Variants in STARD13 observed in about 807,000 individuals in gnomAD.
STARD13 encodes StAR related lipid transfer domain containing 13.
A neutral mutation model predicts 106.4 loss-of-function variants in STARD13; 62 were observed. The ratio of observed to expected loss-of-function variants is 0.58; its 90% CI spans 0.48 to 0.72. The LOEUF is 0.72. STARD13 is among the 30% of genes least tolerant of loss of function. The pLI is 0.00. For missense variants in STARD13, 1,387 were observed against 1,424.0 expected, an observed-to-expected ratio of 0.97 and a Z score of 0.42; for synonymous variants, 565 against 553.0, an observed-to-expected ratio of 1.02 and a Z score of -0.31.
intron 1 of STARD13, among the ~76,000 whole-genome samples, chr13:33,224,226 T>C (rs960565900): frequency 2.0e-5 from 3 of 152,228 alleles, no homozygotes; most frequent in South Asian, 2.1e-4. Flanking sequence ...CAGGTAGCCA[T>C]AGGATGGAGA....
At chr13:33,158,705 CTAAT>C (rs1436262512) in intron 3 of STARD13, 3 of 152,194 alleles carry the variant, frequency 2.0e-5, no homozygotes, top group African/African-American at 7.2e-5. Context: ...GGCTGAGGGT[CTAAT>C]TAACCACTCA....
chr13:33,377,591 C>A, the STARD13 span, among the ~76,000 whole-genome samples: 15 of 151,060 alleles, frequency 9.9e-5, no homozygotes, highest in South Asian at 3.2e-3. Context: ...TCTCCCCCAC[C>A]CCCGCTTATA....
At chr13:33,267,753 A>C (rs1169538191) in intron 1 of STARD13, among the ~76,000 whole-genome samples, 1 of 152,244 alleles carries the variant, frequency 6.6e-6, no homozygotes, top group East Asian at 1.9e-4. Context: ...TAGTTAGATT[A>C]GAAGACTTAA....
At chr13:33,203,231 G>GA (rs1887176657) in intron 1 of STARD13, among the ~76,000 whole-genome samples, 5 of 115,220 alleles carry the variant, frequency 4.3e-5, no homozygotes, top group Non-Finnish European at 9.2e-5. Flanking sequence ...GTGATTCTCT[G>GA]TACTGGCAGG....
chr13:33,353,805 G>A (rs1322787149), upstream of STARD13, among the ~76,000 whole-genome samples: 1 of 148,804 alleles, frequency 6.7e-6, no homozygotes, highest in Non-Finnish European at 1.5e-5. Context: ...TCCTTATAGC[G>A]CTTCCACTTC....
At chr13:33,150,144 G>C (rs1881081113) in intron 3 of STARD13, among the ~76,000 whole-genome samples, 2 of 152,178 alleles carry the variant, frequency 1.3e-5, no homozygotes, top group African/African-American at 2.4e-5. Context: ...AGGCTCGGTA[G>C]GCTTTTCTTT....
chr13:33,538,635 AT>A, the STARD13 span, among the ~76,000 whole-genome samples: 16,293 of 146,696 alleles, frequency 0.11, 988 homozygotes, highest in Admixed American at 0.19. Flanking sequence ...AGAGCCCAGT[AT>A]TTTTTTTTTT....
At chr13:33,476,350 T>A in the STARD13 span, among the ~76,000 whole-genome samples, 1 of 152,220 alleles carries the variant, frequency 6.6e-6, no homozygotes, top group Non-Finnish European at 1.5e-5. Context: ...GTGTAAAGAT[T>A]CTAGTGGTAA....
chr13:33,422,052 C>CT, the STARD13 span, among the ~76,000 whole-genome samples: 1 of 152,160 alleles, frequency 6.6e-6, no homozygotes. Flanking sequence ...AGGATGCCTT[C>CT]TTTCACCATT....
Position 33,105,523 on chromosome 13 carries a change from T to C in STARD13, c.*70A>G. ...TTCCTCTTTCTCTCGCTTTCTCACA[T>C]GCACACTCTCTGCCACACTCGTCAC... is the stretch of plus-strand genomic sequence containing the variant. On this transcript the variant is annotated 3_prime_UTR_variant, in exon 14 of 14. Coordinates refer to ENST00000336934, the MANE Select transcript of STARD13 (RefSeq NM_178006.4). The C allele has an allele frequency of 1.8e-6, 2 of 1,096,522 alleles. No individual in the cohort carries two copies. Among genetic ancestry groups the C allele is most frequent in the South Asian group, 1.3e-5 (1 of 79,594 alleles). The allele number at this position is 1,096,522 out of a possible 1,614,324, so 67.9% of individuals were successfully genotyped here.
chr13:33,558,837 T>A, the STARD13 span, among the ~76,000 whole-genome samples: 1 of 151,646 alleles, frequency 6.6e-6, no homozygotes, highest in South Asian at 2.1e-4. Flanking sequence ...GCTACTGCTA[T>A]TGTCATGCAC....
the STARD13 span, among the ~76,000 whole-genome samples, chr13:33,377,503 G>T: frequency 6.6e-6 from 1 of 152,048 alleles, no homozygotes; most frequent in African/African-American, 2.4e-5. Context: ...TAATTCTATT[G>T]ATCTTTGCAT....
chr13:33,435,265 G>A, the STARD13 span, among the ~76,000 whole-genome samples: 1 of 152,186 alleles, frequency 6.6e-6, no homozygotes, highest in East Asian at 1.9e-4. Flanking sequence ...CGAGAGGTAG[G>A]AATGGTGGAT....
the STARD13 span, among the ~76,000 whole-genome samples, chr13:33,630,162 C>A: frequency 4.6e-5 from 7 of 152,152 alleles, no homozygotes; most frequent in South Asian, 6.2e-4. Context: ...AAGCAAAGTG[C>A]AAGAGGAATA....
At chr13:33,501,179 C>T in the STARD13 span, among the ~76,000 whole-genome samples, 5 of 144,802 alleles carry the variant, frequency 3.5e-5, no homozygotes, top group African/African-American at 1.3e-4. Flanking sequence ...CGGGTTCAAG[C>T]AATTCTCCTG....
At chr13:33,214,222 A>G (rs1219318912) in intron 1 of STARD13, among the ~76,000 whole-genome samples, 1 of 152,226 alleles carries the variant, frequency 6.6e-6, no homozygotes, top group Non-Finnish European at 1.5e-5. Context: ...CTCACAAACA[A>G]AAAGCACATT....
At chr13:33,459,991 G>A in the STARD13 span, among the ~76,000 whole-genome samples, 1 of 152,030 alleles carries the variant, frequency 6.6e-6, no homozygotes, top group Non-Finnish European at 1.5e-5. Context: ...TTTATTATTA[G>A]TGTTAAGTAA....
chr13:33,242,363 A>G (rs1309358384), intron 1 of STARD13, among the ~76,000 whole-genome samples: 1 of 152,222 alleles, frequency 6.6e-6, no homozygotes, highest in African/African-American at 2.4e-5. Context: ...GTGTCTGTGT[A>G]GAAAGAAGTA....
the STARD13 span, among the ~76,000 whole-genome samples, chr13:33,397,536 T>G: frequency 2.6e-5 from 4 of 152,216 alleles, no homozygotes; most frequent in Non-Finnish European, 4.4e-5. Context: ...TATGGCAGGC[T>G]AATTTGTTAG....
Sources: allele counts gnomAD v4.1 joint callset (sites outside exome capture counted in the v4.1 genomes callset), GRCh38; gene constraint gnomAD v4.1.1; transcripts MANE v1.5; gene names NCBI Gene and HGNC (gene_info 2026-07-23, HGNC 2026-07-21).